Variants in GNGT1 observed in about 807,000 individuals in gnomAD.
GNGT1 encodes G protein subunit gamma transducin 1.
A neutral mutation model predicts 7.4 loss-of-function variants in GNGT1; 4 were observed. The ratio of observed to expected loss-of-function variants is 0.54; its 90% CI spans 0.27 to 1.24. The LOEUF is 1.24. GNGT1 is among the 50% of genes most tolerant of loss of function. The probability of loss-of-function intolerance (pLI) is 0.12; values close to 1 mark genes in which losing one functional copy is unlikely to be tolerated. For synonymous variants in GNGT1, 37 were observed against 30.2 expected (o/e 1.23, Z -0.74); for missense variants, 95 against 82.4 (o/e 1.15, Z -0.59).
At chr7:93,909,429 T>A (rs1794426327) in intron 2 of GNGT1, 3 of 699,382 alleles carry the variant, frequency 4.3e-6, no homozygotes, top group Admixed American at 4.0e-5. Context: ...TTTAAACCTA[T>A]ACACATATAT....
chr7:93,906,593 T>A lies in GNGT1; in HGVS notation c.-63T>A, dbSNP rs1794376437. The A allele has an allele frequency of 3.3e-6, 2 of 604,310 alleles. No individual in the cohort carries two copies. Among genetic ancestry groups the A allele is most frequent in the South Asian group, 2.1e-5 (1 of 47,440 alleles). The allele number at this position is 604,310 out of a possible 1,614,324, so 37.4% of individuals were successfully genotyped here. On this transcript the variant is annotated 5_prime_UTR_variant, in exon 1 of 3. An upstream start codon of the reference 5' UTR is lost. Transcript: ENST00000248572. ...GAATTGTTAAGAGAGAGAGCTCATA[T>A]GAAATTGGTTATCGTGGGATATTTA...
chr7:93,910,178 A>C (rs180270), intron 2 of GNGT1: 1 of 151,894 alleles, frequency 6.6e-6, no homozygotes, highest in East Asian at 1.9e-4. Context: ...CTCAAAAACA[A>C]CATGAATAAT....
chr7:93,908,974 A>G (rs953269697), intron 2 of GNGT1, among the ~76,000 whole-genome samples: 1 of 152,184 alleles, frequency 6.6e-6, no homozygotes, highest in Non-Finnish European at 1.5e-5. Flanking sequence ...AATAAACAAG[A>G]TAATATACAC....
chr7:93,906,715 G>A, intron 1 of GNGT1, 21 bp from the exon 2 acceptor site: 1 of 1,288,852 alleles, frequency 7.8e-7, no homozygotes, highest in Non-Finnish European at 1.1e-6. Context: ...ATGCATAGCT[G>A]CTAACCTTCT....
rs1396476124 is a variant in GNGT1, at chr7:93,906,624, A to G, written c.-32A>G. On this transcript the variant is annotated 5_prime_UTR_variant, in exon 1 of 3. An upstream open reading frame in the 5' UTR loses its in-frame stop. Coordinates refer to ENST00000248572, the MANE Select transcript of GNGT1 (RefSeq NM_021955.5). The stretch of plus-strand genomic sequence containing the variant: ...TGGTTATCGTGGGATATTTAAAATA[A>G]AACAAAGAACAGTTTACTTTGTAAG... 1.5e-6 allele frequency: 1 copy of G among 674,782 alleles called. No homozygotes were observed. The highest frequency in any genetic ancestry group is 1.9e-5 in the African/African-American group (1 of 52,758). The allele number at this position is 674,782 out of a possible 1,614,324, so 41.8% of individuals were successfully genotyped here.
chr7:93,906,933 T>C (rs1794383040), intron 2 of GNGT1, 91 bp downstream of exon 2: 1 of 636,112 alleles, frequency 1.6e-6, no homozygotes, highest in African/African-American at 1.9e-5. Context: ...AGGCTCAATG[T>C]AGTTACAAAT....
intron 2 of GNGT1, among the ~76,000 whole-genome samples, chr7:93,907,179 G>A (rs1223848019): frequency 2.0e-5 from 3 of 149,080 alleles, no homozygotes; most frequent in African/African-American, 5.0e-5. Flanking sequence ...GGAAAAAGAA[G>A]GAAAGAAAGA....
intron 2 of GNGT1, among the ~76,000 whole-genome samples, chr7:93,908,953 T>A (rs769577664): frequency 2.0e-5 from 3 of 152,170 alleles, no homozygotes; most frequent in Non-Finnish European, 4.4e-5. Context: ...ATTCAGAGGA[T>A]AATTGGGAGG....
intron 2 of GNGT1, among the ~76,000 whole-genome samples, chr7:93,908,854 A>G (rs916132332): frequency 5.9e-5 from 9 of 151,924 alleles, no homozygotes; most frequent in African/African-American, 2.2e-4. Context: ...CTTGCTCCAC[A>G]ACAAATTTTT....
rs187928648 is a variant in GNGT1 at position 93,906,930 on chromosome 7, A to G, written c.96+88A>G. 15 of 656,324 alleles carry G rather than the reference A, an allele frequency of 2.3e-5. No homozygotes were observed. In the East Asian group the frequency reaches 3.1e-4, roughly 14 times the overall value. 40.7% of individuals were successfully genotyped at this position (656,324 alleles called of 1,614,324 possible). ...AGAAAACATTGGCTGGAAAGGCTCA[A>G]TGTAGTTACAAATAAATTGTTCATC... is the stretch of plus-strand genomic sequence containing the variant. On this transcript the variant is annotated intron_variant, in intron 2 of 2. Transcript: ENST00000248572.
At chr7:93,910,178 A>T (rs180270) in intron 2 of GNGT1, 92,217 of 151,942 alleles carry the variant, frequency 0.61, 28,448 homozygotes, top group East Asian at 0.72. Context: ...CTCAAAAACA[A>T]CATGAATAAT....
In GNGT1 at chr7:93,910,823, G is replaced by C. The variant is rs149827734; in HGVS notation, c.130G>C (p.Val44Leu). The C allele has an allele frequency of 3.5e-5, 56 of 1,604,254 alleles. No homozygotes were observed. Among genetic ancestry groups the C allele is most frequent in the Non-Finnish European group, 4.7e-5 (55 of 1,173,708 alleles). Residue 44 changes from valine (V) to leucine (L), a missense_variant, in exon 3 of 3, where the codon GTT becomes CTT. By Grantham distance (32) the Val-to-Leu change is conservative. Coordinates refer to ENST00000248572, the MANE Select transcript of GNGT1 (RefSeq NM_021955.5). ...ATGTTGTGAAGAAGTAAGAGATTACGTTGAAGAACGATCTGGCGAGGATCC... is the reference window on the plus strand; with the variant it reads ...ATGTTGTGAAGAAGTAAGAGATTACCTTGAAGAACGATCTGGCGAGGATCC... ...SKCCEEVRDY[V>L]EERSGEDPLV... is the part of the protein sequence containing the mutation.
At chr7:93,908,742 A>G (rs1353264149) in intron 2 of GNGT1, among the ~76,000 whole-genome samples, 1 of 151,846 alleles carries the variant, frequency 6.6e-6, no homozygotes, top group Non-Finnish European at 1.5e-5. Flanking sequence ...TCAGTACAGT[A>G]TGGTTAAGTG....
At chr7:93,908,268 A>G (rs1317734401) in intron 2 of GNGT1, among the ~76,000 whole-genome samples, 2 of 152,174 alleles carry the variant, frequency 1.3e-5, no homozygotes, top group Non-Finnish European at 2.9e-5. Context: ...ATATAGATAC[A>G]CATACATATA....
chr7:93,907,983 C>A (rs544962928), intron 2 of GNGT1, among the ~76,000 whole-genome samples: 4 of 152,228 alleles, frequency 2.6e-5, no homozygotes, highest in African/African-American at 9.6e-5. Flanking sequence ...GAAAAGTTTT[C>A]TCTTCTTAAG....
intron 2 of GNGT1, chr7:93,909,475 A>G (rs759248754): frequency 2.8e-6 from 2 of 702,220 alleles, no homozygotes; most frequent in South Asian, 1.5e-5. Flanking sequence ...TCATTCTCAT[A>G]TCCTCAGATC....
chr7:93,910,297 C>T (rs1466054183), intron 2 of GNGT1: 1 of 152,300 alleles, frequency 6.6e-6, no homozygotes, highest in Non-Finnish European at 1.5e-5. Context: ...TGAAGCTCAC[C>T]TAGTGCACCA....
intron 2 of GNGT1, 159 bp from the exon 3 acceptor site, chr7:93,910,631 C>G (rs1037731274): frequency 7.1e-6 from 3 of 420,258 alleles, no homozygotes; most frequent in Non-Finnish European, 1.3e-5. Context: ...AAGGGTGCAA[C>G]TTTCTTCTTT....
intron 2 of GNGT1, among the ~76,000 whole-genome samples, chr7:93,907,150 AAGAG>A (rs1052952381): frequency 3.3e-5 from 5 of 152,038 alleles, no homozygotes; most frequent in East Asian, 1.9e-4. Context: ...AGAGAGAAAG[AAGAG>A]AGAGAGAAAG....
Sources: allele counts gnomAD v4.1 joint callset (sites outside exome capture counted in the v4.1 genomes callset), GRCh38; gene constraint gnomAD v4.1.1; transcripts MANE v1.5; gene names NCBI Gene and HGNC (gene_info 2026-07-23, HGNC 2026-07-21).